The following IQGAP2 variants were observed in gnomAD, a reference collection of about 807,000 sequenced individuals.
IQGAP2 encodes ras GTPase-activating-like protein IQGAP2.
Under a neutral mutation model 201.3 loss-of-function variants are expected in IQGAP2, and 173 were observed. The observed-to-expected ratio is 0.86, with a 90% CI of 0.76 to 0.98. The LOEUF (loss-of-function observed/expected upper bound fraction) is 0.98, where lower values mean the gene tolerates loss of function less well. Ranked by LOEUF, IQGAP2 falls within the 50% of genes least tolerant of loss-of-function variation. The pLI, the probability that IQGAP2 is intolerant of heterozygous loss-of-function variation, is 0.00. For missense variants in IQGAP2, 1,687 were observed against 1,864.8 expected (o/e 0.90, Z 1.76); for synonymous variants, 675 against 673.9 (o/e 1.00, Z -0.03).
chr5:76,697,080 T>G (rs1746816488), intron 32 of IQGAP2, among the ~76,000 whole-genome samples: 1 of 152,204 alleles, frequency 6.6e-6, no homozygotes, highest in South Asian at 2.1e-4. Context: ...TGAAAAAAAC[T>G]TATATCTGCA....
At chr5:76,421,833 T>C (rs1041273268) in intron 1 of IQGAP2, among the ~76,000 whole-genome samples, 3 of 152,196 alleles carry the variant, frequency 2.0e-5, no homozygotes, top group African/African-American at 7.2e-5. Context: ...TCTTGGGGCA[T>C]ATGGGATTTT....
At chr5:76,438,038 T>TTTTTTGTTTTTTTTTTTTGTTTG (rs1752815683) in intron 1 of IQGAP2, among the ~76,000 whole-genome samples, 1 of 117,102 alleles carries the variant, frequency 8.5e-6, no homozygotes, top group Non-Finnish European at 1.6e-5. Flanking sequence ...TTTGTTTGTT[T>TTTTTTGTTTTTTTTTTTTGTTTG]TTTTTTTTGT....
In IQGAP2 at chr5:76,656,830, C is replaced by T. The variant is rs182693725; in HGVS notation, c.2321-1629C>T. ...TTGGGTGCTTTTATGGTAACCAAAA[C>T]ATAAATTTTCATTTCTTTCTTAGTT... On this transcript the variant is annotated intron_variant, in intron 20 of 35. Coordinates refer to ENST00000274364, the MANE Select transcript of IQGAP2 (RefSeq NM_006633.5). Among the ~76,000 whole-genome samples the T allele has an allele frequency of 5.9e-4, 89 of 151,868 alleles. 1 individual carries two copies. Among genetic ancestry groups the T allele is most frequent in the African/African-American group, 2.0e-3 (83 of 41,440 alleles).
At chr5:76,598,490 TA>T (rs1299600371) in intron 10 of IQGAP2, among the ~76,000 whole-genome samples, 1 of 151,880 alleles carries the variant, frequency 6.6e-6, no homozygotes, top group Non-Finnish European at 1.5e-5. Flanking sequence ...CAATCAGAAG[TA>T]AAAAATATAT....
rs370124212 is a variant in IQGAP2, at chr5:76,452,862, T to A, written c.47-8708T>A. Among the ~76,000 whole-genome samples, 5 of 152,206 alleles carry A rather than the reference T, an allele frequency of 3.3e-5. No individual in the cohort carries two copies. The East Asian group carries it at 5.8e-4, about 18-fold the overall frequency. On this transcript the variant is annotated intron_variant, in intron 1 of 35. Coordinates refer to ENST00000274364, the MANE Select transcript of IQGAP2 (RefSeq NM_006633.5). ...GACTAAATTAGCTAACCTCTCTGAG[T>A]TTGTTTCCTATTCGAAAAATGTATT...
chr5:76,674,864 G>A (rs1482988105), intron 27 of IQGAP2, among the ~76,000 whole-genome samples, 155 bp downstream of exon 27: 1 of 152,118 alleles, frequency 6.6e-6, no homozygotes, highest in Non-Finnish European at 1.5e-5. Flanking sequence ...AGGAGAGAGG[G>A]AAGTGCAGGC....
intron 18 of IQGAP2, 138 bp from the exon 19 acceptor site, chr5:76,654,062 G>T: frequency 1.7e-6 from 1 of 579,980 alleles, no homozygotes; most frequent in East Asian, 3.0e-5. Flanking sequence ...TGATTATTCA[G>T]TGGGCTGCTT....
At chr5:76,641,432 CT>C (rs1290735468) in intron 17 of IQGAP2, among the ~76,000 whole-genome samples, 1 of 152,098 alleles carries the variant, frequency 6.6e-6, no homozygotes, top group African/African-American at 2.4e-5. Flanking sequence ...TACAATTTGG[CT>C]TTTTTGTGGT....
intron 2 of IQGAP2, among the ~76,000 whole-genome samples, chr5:76,511,131 C>G (rs552062093): frequency 1.3e-5 from 2 of 152,240 alleles, no homozygotes. Context: ...GGACTACATT[C>G]TGCCATAAGG....
At chr5:76,457,474 C>A (rs1243314636) in intron 1 of IQGAP2, among the ~76,000 whole-genome samples, 3 of 152,100 alleles carry the variant, frequency 2.0e-5, no homozygotes, top group Admixed American at 6.5e-5. Flanking sequence ...CTTTGAGAGA[C>A]CTTTTGAGTC....
At chr5:76,619,079 G>A (rs1749324950) in intron 13 of IQGAP2, among the ~76,000 whole-genome samples, 1 of 152,218 alleles carries the variant, frequency 6.6e-6, no homozygotes, top group South Asian at 2.1e-4. Context: ...GTGATGAATG[G>A]ACAGAAGCAT....
At chr5:76,590,367 G>C (rs1417747591) in intron 7 of IQGAP2, 41 bp from the exon 8 acceptor site, 1 of 1,500,754 alleles carries the variant, frequency 6.7e-7, no homozygotes, top group Non-Finnish European at 9.0e-7. Context: ...GTTGTCTTTT[G>C]CTGATAAAAA....
intron 16 of IQGAP2, among the ~76,000 whole-genome samples, chr5:76,639,030 A>G: frequency 6.6e-6 from 1 of 152,234 alleles, no homozygotes; most frequent in Admixed American, 6.5e-5. Context: ...ACAAATACCC[A>G]AAGAATGTGT....
At chr5:76,474,448 C>A (rs1312312608) in intron 2 of IQGAP2, among the ~76,000 whole-genome samples, 1 of 152,198 alleles carries the variant, frequency 6.6e-6, no homozygotes, top group Non-Finnish European at 1.5e-5. Flanking sequence ...CTTGATCTTT[C>A]ATTTTTGCTG....
intron 5 of IQGAP2, among the ~76,000 whole-genome samples, chr5:76,584,807 A>T (rs1377017246): frequency 6.6e-6 from 1 of 152,186 alleles, no homozygotes; most frequent in Admixed American, 6.5e-5. Context: ...AAACACTAAG[A>T]TGAGTCCCAG....
chr5:76,640,931 A>G lies in IQGAP2; in HGVS notation c.1924-2A>G, dbSNP rs1215364862. ...GTAACCATAAGAAATATCTCTTGCC[A>G]GGACATTATTGAGGAAGTCACAGTA... is the stretch of plus-strand genomic sequence containing the variant. On this transcript the variant is annotated splice_acceptor_variant, in intron 16 of 35. Transcript: ENST00000274364. LOFTEE classifies it high-confidence loss of function. 6.3e-7 allele frequency: 1 copy of G among 1,576,264 alleles called. No individual in the cohort carries two copies. The highest frequency in any genetic ancestry group is 1.7e-5 in the Admixed American group (1 of 58,708).
At chr5:76,470,933 CCTA>C (rs1755062621) in intron 2 of IQGAP2, among the ~76,000 whole-genome samples, 1 of 152,080 alleles carries the variant, frequency 6.6e-6, no homozygotes, top group Admixed American at 6.6e-5. Flanking sequence ...TGCCAGAAAT[CCTA>C]CTATTTAAAT....
intron 1 of IQGAP2, 103 bp from the exon 2 acceptor site, chr5:76,461,467 A>C: frequency 4.5e-6 from 3 of 673,182 alleles, no homozygotes; most frequent in Non-Finnish European, 7.6e-6. Flanking sequence ...CTGTCTCTGA[A>C]TGTTAAATGT....
intron 3 of IQGAP2, among the ~76,000 whole-genome samples, chr5:76,569,693 C>T (rs1452200088): frequency 6.6e-6 from 1 of 152,292 alleles, no homozygotes; most frequent in East Asian, 1.9e-4. Flanking sequence ...TTATCTACTA[C>T]TGAATGTTAG....
Sources: allele counts gnomAD v4.1 joint callset (sites outside exome capture counted in the v4.1 genomes callset), GRCh38; gene constraint gnomAD v4.1.1; transcripts MANE v1.5; gene names NCBI Gene and HGNC (gene_info 2026-07-23, HGNC 2026-07-21).